The following RBFA variants were observed in gnomAD, a reference collection of about 807,000 sequenced individuals.
RBFA encodes the protein putative ribosome-binding factor A, mitochondrial.
Under a neutral mutation model 27.9 loss-of-function variants are expected in RBFA, and 16 were observed. That is an observed-to-expected ratio of 0.57 (90% CI 0.39 to 0.87). The LOEUF (loss-of-function observed/expected upper bound fraction) is 0.87, where lower values mean the gene tolerates loss of function less well. RBFA is among the 40% of genes least tolerant of loss of function. RBFA has a pLI of 0.00. For missense variants in RBFA, 456 were observed against 432.1 expected (o/e 1.06, Z -0.49); for synonymous variants, 181 against 181.0 (o/e 1.00, Z 0.00).
At chr18:80,037,257 G>T in intron 2 of RBFA, 73 bp from the exon 3 acceptor site, 1 of 1,360,778 alleles carries the variant, frequency 7.3e-7, no homozygotes, top group South Asian at 1.3e-5. Context: ...CCCTCCCCCA[G>T]CCCCTGCTGT....
chr18:80,047,855 C>G lies in RBFA; in HGVS notation c.*1700C>G, dbSNP rs2145152430. ...AGGGGTGTACATGTCTGTGGTTAAT[C>G]ATATAGGTCAGGATAATGAGGTGAT... On this transcript the variant is annotated 3_prime_UTR_variant, in exon 7 of 7. Coordinates refer to ENST00000306735, the MANE Select transcript of RBFA (RefSeq NM_024805.3). Among the ~76,000 whole-genome samples, 1 of 152,272 alleles carries G rather than the reference C, an allele frequency of 6.6e-6. No individual in the cohort carries two copies. The highest frequency in any genetic ancestry group is 1.9e-4 in the East Asian group (1 of 5,190).
Position 80,038,586 on chromosome 18 carries a change from G to C in RBFA, c.460G>C (p.Ala154Pro), listed in dbSNP as rs1445834846. 6.2e-7 allele frequency: 1 copy of C among 1,613,952 alleles called. No individual in the cohort carries two copies. Among genetic ancestry groups the C allele is most frequent in the Non-Finnish European group, 8.5e-7 (1 of 1,179,842 alleles). The change falls in exon 4 of 7, where the codon GCT becomes CCT. Residue 154 changes from alanine to proline, a missense_variant. By Grantham distance (27) the Ala-to-Pro change is conservative (BLOSUM62 -1). Coordinates refer to ENST00000306735, the MANE Select transcript of RBFA (RefSeq NM_024805.3). Reference protein sequence around the residue: ...LSAEQNAHMEAVLQRSAAHMR... With the variant: ...LSAEQNAHMEPVLQRSAAHMR... ...TGCTGAGCAGAACGCACACATGGAG[G>C]CTGTCCTGCAGAGAAGTGCCGCGCA...
intron 5 of RBFA, among the ~76,000 whole-genome samples, chr18:80,042,888 G>A (rs1032741205): frequency 5.9e-5 from 9 of 152,102 alleles, no homozygotes; most frequent in African/African-American, 2.2e-4. Context: ...GTCCCCAGAA[G>A]TAGTTGCTGT....
Position 80,049,262 on chromosome 18 carries a change from G to A in RBFA, c.*3107G>A, listed in dbSNP as rs1043905251. Among the ~76,000 whole-genome samples the A allele has an allele frequency of 5.9e-5, 9 of 151,896 alleles. No individual in the cohort carries two copies. The highest frequency in any genetic ancestry group is 2.2e-4 in the African/African-American group (9 of 41,318). ...TCCCTGGGAGCGGGTTAGGGACATG[G>A]AAGCTCACCCTCTTCTGAATGGGTC... On this transcript the variant is annotated 3_prime_UTR_variant, in exon 7 of 7. Coordinates refer to ENST00000306735, the MANE Select transcript of RBFA (RefSeq NM_024805.3).
In RBFA at chr18:80,045,814, A is replaced by G. The variant is rs1304448464; in HGVS notation, c.691A>G (p.Thr231Ala). Residue 231 changes from threonine (T) to alanine (A), a missense_variant, in exon 7 of 7, where the codon ACC becomes GCC. Coordinates refer to ENST00000306735, the MANE Select transcript of RBFA (RefSeq NM_024805.3). ...ACAACCCTGCGGCACCACAGAGCCG[A>G]CCACAAGCTCCAGTCTGTGTGGGAT... ...APQPCGTTEPTTSSSLCGIDH... is the reference protein window; with the variant it reads ...APQPCGTTEPATSSSLCGIDH... The G allele has an allele frequency of 2.6e-6, 4 of 1,525,908 alleles. No homozygotes were observed. In the African/African-American group the frequency reaches 5.6e-5, roughly 21 times the overall value. 94.5% of individuals were successfully genotyped at this position (1,525,908 alleles called of 1,614,324 possible). A position where few individuals can be genotyped will look rare whatever the true frequency, so the allele number is the denominator to read the frequency against.
At chr18:80,034,753 C>A (rs137859897) in intron 1 of RBFA, 100 bp downstream of exon 1, 8 of 1,490,570 alleles carry the variant, frequency 5.4e-6, no homozygotes, top group Non-Finnish European at 7.3e-6. Context: ...GCCCATGCGG[C>A]CTAGCTCGCC....
In RBFA at chr18:80,038,502, C is replaced by G. The variant is rs1354895529; in HGVS notation, c.379-3C>G. The G allele has an allele frequency of 1.9e-6, 3 of 1,606,398 alleles. No homozygotes were observed. The highest frequency in any genetic ancestry group is 1.7e-6 in the Non-Finnish European group (2 of 1,175,142). On this transcript the variant is annotated splice_polypyrimidine_tract_variant and splice_region_variant and intron_variant, in intron 3 of 6. Transcript: ENST00000306735. The stretch of plus-strand genomic sequence containing the variant: ...AGTGACCTGTGGAGGGGCGGGGTCT[C>G]AGGTTTCCCTGACTCCAGACTTCTC...
intron 5 of RBFA, 41 bp downstream of exon 5, chr18:80,042,260 T>C (rs1465138376): frequency 7.3e-7 from 1 of 1,370,640 alleles, no homozygotes; most frequent in Non-Finnish European, 9.9e-7. Context: ...TAAAAATTTT[T>C]ATTTTTTTAA....
At chr18:80,038,444 GTTGT>G (rs1411326670) in intron 3 of RBFA, 57 bp from the exon 4 acceptor site, 1 of 1,165,710 alleles carries the variant, frequency 8.6e-7, no homozygotes, top group African/African-American at 1.5e-5. Context: ...TCTCCTGGAT[GTTGT>G]TTGTCTTGAA....
chr18:80,038,320 G>T (rs2051994315), intron 3 of RBFA, among the ~76,000 whole-genome samples, 185 bp from the exon 4 acceptor site: 1 of 152,196 alleles, frequency 6.6e-6, no homozygotes, highest in African/African-American at 2.4e-5. Context: ...GGGAGGTTTT[G>T]GTTTCTGGGG....
At position 80,046,157 on chromosome 18, in the gene RBFA, T is replaced by TG; in HGVS notation, c.*4dup. 1.2e-6 allele frequency: 2 copies of TG among 1,613,030 alleles called. No homozygotes were observed. The highest frequency in any genetic ancestry group is 2.2e-5 in the South Asian group (2 of 90,966). ...AGCTGCGGAGCAAGCAGGGAGTAGATGGAGAGGCTCTGCCCATCCCACATT... is the reference window on the plus strand; with the variant it reads ...AGCTGCGGAGCAAGCAGGGAGTAGATGGGAGAGGCTCTGCCCATCCCACATT... On this transcript the variant is annotated 3_prime_UTR_variant, in exon 7 of 7. Transcript: ENST00000306735.
chr18:80,044,469 G>C (rs1295396216), intron 6 of RBFA, among the ~76,000 whole-genome samples, 184 bp downstream of exon 6: 1 of 152,232 alleles, frequency 6.6e-6, no homozygotes, highest in Admixed American at 6.5e-5. Context: ...CGTTTACACA[G>C]TGAGGGCCTC....
chr18:80,037,046 C>A (rs534456895), intron 2 of RBFA, among the ~76,000 whole-genome samples: 88 of 152,332 alleles, frequency 5.8e-4, no homozygotes, highest in African/African-American at 2.1e-3. Context: ...CTGAATTATT[C>A]CCTTTAGCAC....
rs2052066753 is a variant in RBFA, at chr18:80,047,807, G to A, written c.*1652G>A. ...ATGTTTATCTCTAGGGTTTCTGGTA[G>A]CCAGTTGCGGGGTGTCCAGTGAAGG... On this transcript the variant is annotated 3_prime_UTR_variant, in exon 7 of 7. Transcript: ENST00000306735. Among the ~76,000 whole-genome samples, 1 of 152,224 alleles carries A rather than the reference G, an allele frequency of 6.6e-6. No homozygotes were observed. The highest frequency in any genetic ancestry group is 1.5e-5 in the Non-Finnish European group (1 of 68,032).
Position 80,045,775 on chromosome 18 carries a change from G to T in RBFA, c.652G>T (p.Asp218Tyr), listed in dbSNP as rs1314591093. ...GTGAAGCCTCTTCTTCCTTCCCAGG[G>T]ACCCTGATGCCCCACAACCCTGCGG... ...RDNFVQNDFR[D>Y]PDAPQPCGTT... The change falls in exon 7 of 7, where the codon GAC (aspartate) becomes TAC (tyrosine). Residue 218 changes from aspartate to tyrosine, a missense_variant and splice_region_variant. Physicochemically the swap from Asp to Tyr is radical, Grantham distance 160. Coordinates refer to ENST00000306735, the MANE Select transcript of RBFA (RefSeq NM_024805.3). 2.0e-6 allele frequency: 3 copies of T among 1,511,526 alleles called. No homozygotes were observed. The highest frequency in any genetic ancestry group is 2.7e-6 in the Non-Finnish European group (3 of 1,130,738). The allele number at this position is 1,511,526 out of a possible 1,614,324, so 93.6% of individuals were successfully genotyped here. A position where few individuals can be genotyped will look rare whatever the true frequency, so the allele number is the denominator to read the frequency against.
chr18:80,042,809 G>A (rs1416483696), intron 5 of RBFA, among the ~76,000 whole-genome samples: 8 of 151,912 alleles, frequency 5.3e-5, no homozygotes, highest in African/African-American at 1.9e-4. Flanking sequence ...GGGAACAAAT[G>A]AAAAGTAATG....
Position 80,046,329 on chromosome 18 carries a change from T to C in RBFA, c.*174T>C, listed in dbSNP as rs1568390635. ...ATTTGCTACACAAGTCACTGTTTTT[T>C]TTTCCATGCACTGTGTGTAATTTAA... is the stretch of plus-strand genomic sequence containing the variant. On this transcript the variant is annotated 3_prime_UTR_variant, in exon 7 of 7. Transcript: ENST00000306735. The C allele has an allele frequency of 1.4e-6, 1 of 707,848 alleles. No individual in the cohort carries two copies. Among genetic ancestry groups the C allele is most frequent in the East Asian group, 2.8e-5 (1 of 36,200 alleles). 43.8% of individuals were successfully genotyped at this position (707,848 alleles called of 1,614,324 possible).
intron 6 of RBFA, among the ~76,000 whole-genome samples, chr18:80,044,585 G>A (rs760985510): frequency 5.3e-5 from 8 of 152,260 alleles, no homozygotes; most frequent in African/African-American, 1.9e-4. Flanking sequence ...TGTGTGCCAA[G>A]CCCTGGTCAA....
rs1456163005 is a variant in RBFA, at chr18:80,046,854, TC to T, written c.*701del. ...CGTGGCCAGCTAGTGTATTTTCTAA[TC>T]CATCCAAAGGTGAAACAGACTTGGT... On this transcript the variant is annotated 3_prime_UTR_variant, in exon 7 of 7. Transcript: ENST00000306735. The T allele has an allele frequency of 1.3e-5, 2 of 152,754 alleles. No individual in the cohort carries two copies. Among genetic ancestry groups the T allele is most frequent in the African/African-American group, 4.8e-5 (2 of 41,450 alleles). 9.5% of individuals were successfully genotyped at this position (152,754 alleles called of 1,614,324 possible). A position where few individuals can be genotyped will look rare whatever the true frequency, so the allele number is the denominator to read the frequency against.
Sources: allele counts gnomAD v4.1 joint callset (sites outside exome capture counted in the v4.1 genomes callset), GRCh38; gene constraint gnomAD v4.1.1; transcripts MANE v1.5; gene names NCBI Gene and HGNC (gene_info 2026-07-23, HGNC 2026-07-21).